The following RADX variants were observed in gnomAD, a reference collection of about 807,000 sequenced individuals.
RADX encodes the protein RPA1 related single stranded DNA binding protein, X-linked, also known as RPA-related protein RADX.
A neutral mutation model predicts 61.6 loss-of-function variants in RADX; 36 were observed. That is an observed-to-expected ratio of 0.58 (90% confidence interval 0.45 to 0.77). The LOEUF (loss-of-function observed/expected upper bound fraction) is 0.77, where lower values mean the gene tolerates loss of function less well. Ranked by LOEUF, RADX falls within the 30% of genes least tolerant of loss-of-function variation. The pLI is 0.00. For missense variants in RADX, 497 were observed against 651.1 expected, an observed-to-expected ratio of 0.76 and a Z score of 2.58; for synonymous variants, 272 against 237.9, an observed-to-expected ratio of 1.14 and a Z score of -1.32.
intron 11 of RADX, among the ~76,000 whole-genome samples, chrX:106,654,294 A>AT (rs1441535609): frequency 9.7e-5 from 10 of 102,833 alleles, no homozygotes; most frequent in Admixed American, 3.9e-4. Flanking sequence ...AGTGATGATG[A>AT]TTTTTTTTTC....
intron 6 of RADX, among the ~76,000 whole-genome samples, chrX:106,636,090 G>A (rs1340080783): frequency 2.7e-5 from 3 of 111,832 alleles, no homozygotes; most frequent in African/African-American, 9.7e-5. Flanking sequence ...GTAATTCAGA[G>A]TTTAGTGTTA....
intron 13 of RADX, among the ~76,000 whole-genome samples, chrX:106,675,940 C>T (rs1030473420): frequency 9.0e-5 from 10 of 111,298 alleles, no homozygotes; most frequent in Non-Finnish European, 5.7e-5. Context: ...TCAAAATACC[C>T]TATGATGTAG....
At chrX:106,632,273 T>C (rs894560828) in intron 3 of RADX, among the ~76,000 whole-genome samples, 1 of 112,158 alleles carries the variant, frequency 8.9e-6, no homozygotes, top group African/African-American at 3.2e-5. Context: ...ATTTTATTAA[T>C]ATAATGTTGA....
At chrX:106,631,653 A>T (rs1184177535) in intron 3 of RADX, among the ~76,000 whole-genome samples, 1 of 101,189 alleles carries the variant, frequency 9.9e-6, no homozygotes, top group Non-Finnish European at 2.0e-5. Flanking sequence ...CCATGATTGT[A>T]TGATTGTGCC....
At chrX:106,676,930 G>A (rs1193029928) in intron 13 of RADX, among the ~76,000 whole-genome samples, 1 of 111,547 alleles carries the variant, frequency 9.0e-6, no homozygotes, top group Non-Finnish European at 1.9e-5. Context: ...AGTTTTTAAA[G>A]CCCACTTTAC....
rs1367497878 is a variant in RADX, at chrX:106,648,398, TTTG to T, written c.1978+15_1978+17del. 1.8e-6 allele frequency: 2 copies of T among 1,098,791 alleles called. No individual in the cohort carries two copies. Among genetic ancestry groups the T allele is most frequent in the East Asian group, 3.0e-5 (1 of 33,127 alleles). The allele number at this position is 1,098,791 out of a possible 1,213,427, so 90.6% of individuals were successfully genotyped here. On this transcript the variant is annotated intron_variant, in intron 11 of 13. Coordinates refer to ENST00000372548, the MANE Select transcript of RADX (RefSeq NM_018015.6). ...AAGCATCTTCAACCGTATGTTACTA[TTTG>T]TTATTATTATTTATGAAAACTTTAT...
chrX:106,618,173 T>C (rs1203683025), intron 1 of RADX, among the ~76,000 whole-genome samples: 5 of 111,126 alleles, frequency 4.5e-5, no homozygotes, highest in East Asian at 2.8e-4. Flanking sequence ...TCAAAATGAA[T>C]TGATGCACAA....
rs1927458562 is a variant in RADX, at chrX:106,639,776, C to T, written c.1734+89C>T. 8.6e-6 allele frequency: 6 copies of T among 696,982 alleles called. No individual in the cohort carries two copies. In the East Asian group the frequency reaches 1.5e-4, roughly 17 times the overall value. 57.4% of individuals were successfully genotyped at this position (696,982 alleles called of 1,213,427 possible). ...CCTTTTACATTTTATTCAGAACTCACGTGTATTGACTCTTAATAATGTAAG... is the reference window on the plus strand; with the variant it reads ...CCTTTTACATTTTATTCAGAACTCATGTGTATTGACTCTTAATAATGTAAG... On this transcript the variant is annotated intron_variant, in intron 9 of 13. Transcript: ENST00000372548.
At chrX:106,650,481 GA>G (rs1417732342) in intron 11 of RADX, among the ~76,000 whole-genome samples, 2 of 110,868 alleles carry the variant, frequency 1.8e-5, no homozygotes, top group Non-Finnish European at 3.8e-5. Context: ...AGCTACTACT[GA>G]AAGGCAGTGT....
At chrX:106,640,142 T>C (rs2147624157) in intron 9 of RADX, among the ~76,000 whole-genome samples, 1 of 110,481 alleles carries the variant, frequency 9.1e-6, no homozygotes, top group South Asian at 4.0e-4. Flanking sequence ...GTTTTCTCTA[T>C]ATCTGGCATA....
At chrX:106,650,906 A>G (rs12008349) in intron 11 of RADX, among the ~76,000 whole-genome samples, 12,116 of 110,916 alleles carry the variant, frequency 0.11, 1,637 homozygotes, top group African/African-American at 0.38. Flanking sequence ...AATCACACCA[A>G]AGAGTGGTAA....
At position 106,639,508 on chromosome X, in the gene RADX, T is replaced by G. The variant is rs749092620; in HGVS notation, c.1574-19T>G. On this transcript the variant is annotated intron_variant, in intron 8 of 13. Coordinates refer to ENST00000372548, the MANE Select transcript of RADX (RefSeq NM_018015.6). Reference sequence around the variant, plus strand: ...TTTCAGTTCTTTAAAACTTACAATTTTCTTGGACTTTTTTGCAGTTGAGTC... The same window carrying G: ...TTTCAGTTCTTTAAAACTTACAATTGTCTTGGACTTTTTTGCAGTTGAGTC... The G allele has an allele frequency of 9.5e-6, 11 of 1,156,271 alleles. No homozygotes were observed. The highest frequency in any genetic ancestry group is 1.3e-5 in the Non-Finnish European group (11 of 865,993).
At chrX:106,677,621 C>T (rs1368316606) in intron 13 of RADX, among the ~76,000 whole-genome samples, 1 of 109,590 alleles carries the variant, frequency 9.1e-6, no homozygotes, top group Non-Finnish European at 1.9e-5. Context: ...AAAGGAAATA[C>T]ACTTTAAAAG....
At position 106,612,064 on chromosome X, in the gene RADX, T is replaced by C; in HGVS notation, c.-17T>C. The C allele has an allele frequency of 8.4e-7, 1 of 1,191,707 alleles. No individual in the cohort carries two copies. The highest frequency in any genetic ancestry group is 1.1e-6 in the Non-Finnish European group (1 of 886,090). ...AACTAGCTTTTGGGAGTGAAGCGGG[T>C]ACGCAGTTATCCAACAATGTCTGGT... On this transcript the variant is annotated 5_prime_UTR_variant, in exon 1 of 14. Coordinates refer to ENST00000372548, the MANE Select transcript of RADX (RefSeq NM_018015.6).
chrX:106,644,030 T>C (rs1165709715), intron 10 of RADX, among the ~76,000 whole-genome samples: 3 of 111,805 alleles, frequency 2.7e-5, no homozygotes, highest in African/African-American at 9.7e-5. Context: ...TTTAATTTTA[T>C]GTGTGGCTGT....
intron 10 of RADX, among the ~76,000 whole-genome samples, chrX:106,643,312 G>C (rs1346434474): frequency 9.0e-6 from 1 of 110,991 alleles, no homozygotes; most frequent in Non-Finnish European, 1.9e-5. Context: ...TTCCTTTGCT[G>C]TGCAGAAGCT....
intron 3 of RADX, among the ~76,000 whole-genome samples, chrX:106,628,164 A>G (rs1166636669): frequency 2.7e-5 from 3 of 110,665 alleles, no homozygotes; most frequent in East Asian, 5.6e-4. Flanking sequence ...TTTTAAAGAG[A>G]AAAAAAAAGG....
At position 106,637,893 on chromosome X, in the gene RADX, G is replaced by A; in HGVS notation, c.1542G>A (p.Glu514=). 1 of 1,206,812 alleles carries A rather than the reference G, an allele frequency of 8.3e-7. No individual in the cohort carries two copies. Among genetic ancestry groups the A allele is most frequent in the Non-Finnish European group, 1.1e-6 (1 of 891,301 alleles). The change falls in exon 8 of 14, where the codon GAG becomes GAA. Residue 514 remains glutamate (E), a synonymous_variant. Coordinates refer to ENST00000372548, the MANE Select transcript of RADX (RefSeq NM_018015.6). ...ATTACCCCTATCCACCAGTGCCAGA[G>A]ACATTTTCCAAGTATAGTAGTTCTA... ...GGYYPYPPVP[E]TFSKYSSSIK... is the part of the protein sequence containing the mutation.
Position 106,678,124 on chromosome X carries a change from T to G in RADX, c.2438-4T>G. 4 of 1,155,457 alleles carry G rather than the reference T, an allele frequency of 3.5e-6. No individual in the cohort carries two copies. The highest frequency in any genetic ancestry group is 4.7e-6 in the Non-Finnish European group (4 of 849,904). Reference sequence around the variant, plus strand: ...AGTACTTACCATCTGCTTTTTACTTTTAGGTGATATTATAAAAGCAGCAAC... The same window carrying G: ...AGTACTTACCATCTGCTTTTTACTTGTAGGTGATATTATAAAAGCAGCAAC... On this transcript the variant is annotated splice_region_variant and splice_polypyrimidine_tract_variant and intron_variant, in intron 13 of 13. Transcript: ENST00000372548.
Sources: gnomAD v4.1 joint callset for allele counts (sites outside exome capture counted in the v4.1 genomes callset) on GRCh38, gnomAD v4.1.1 for gene constraint, MANE v1.5 for transcripts, NCBI Gene and HGNC (gene_info 2026-07-23, HGNC 2026-07-21) for gene names.